CADM2: variants seen among roughly 807,000 people sequenced by gnomAD.
CADM2 encodes cell adhesion molecule 2, also known as immunoglobulin superfamily member 4D.
In CADM2, 12 loss-of-function variants were observed where a neutral mutation model predicts 49.8. The observed-to-expected ratio is 0.24, with a 90% CI of 0.15 to 0.39. The LOEUF (loss-of-function observed/expected upper bound fraction) is 0.39, where lower values mean the gene tolerates loss of function less well. Ranked by LOEUF, CADM2 falls within the 10% of genes least tolerant of loss-of-function variation. The probability of loss-of-function intolerance (pLI) is 1.00; values close to 1 mark genes in which losing one functional copy is unlikely to be tolerated. For synonymous variants in CADM2, 214 were observed against 175.4 expected (o/e 1.22, Z -1.74); for missense variants, 378 against 492.3 (o/e 0.77, Z 2.20).
At chr3:85,692,353 C>T (rs923184464) in intron 1 of CADM2, among the ~76,000 whole-genome samples, 1 of 152,022 alleles carries the variant, frequency 6.6e-6, no homozygotes. Flanking sequence ...CAGGACCTAG[C>T]AAATCCGTAT....
chr3:85,587,548 G>A (rs2062978782), intron 1 of CADM2, among the ~76,000 whole-genome samples: 1 of 151,938 alleles, frequency 6.6e-6, no homozygotes, highest in South Asian at 2.1e-4. Context: ...ACACTAAATA[G>A]TCAACCCCTA....
intron 7 of CADM2, among the ~76,000 whole-genome samples, chr3:85,949,553 A>G (rs2108582414): frequency 6.6e-6 from 1 of 151,458 alleles, no homozygotes; most frequent in African/African-American, 2.4e-5. Flanking sequence ...TTAATAACAG[A>G]GAAGTTTGAT....
At chr3:85,284,321 A>G (rs956552493) in intron 1 of CADM2, among the ~76,000 whole-genome samples, 2 of 152,116 alleles carry the variant, frequency 1.3e-5, no homozygotes, top group African/African-American at 4.8e-5. Context: ...CACTGTCCTA[A>G]TTTCCATGGA....
At chr3:85,170,690 T>G (rs575262709) in intron 1 of CADM2, among the ~76,000 whole-genome samples, 1 of 152,202 alleles carries the variant, frequency 6.6e-6, no homozygotes, top group African/African-American at 2.4e-5. Flanking sequence ...TGCTGAACTT[T>G]GAAGCTTTTT....
At chr3:85,772,883 G>GT (rs11326310) in intron 2 of CADM2, among the ~76,000 whole-genome samples, 363 of 140,430 alleles carry the variant, frequency 2.6e-3, no homozygotes, top group South Asian at 3.6e-3. Context: ...TTCATTTCCA[G>GT]TTTTTTTTTT....
At chr3:85,077,440 T>C (rs1025448262) in intron 1 of CADM2, among the ~76,000 whole-genome samples, 4 of 152,146 alleles carry the variant, frequency 2.6e-5, no homozygotes, top group Admixed American at 6.5e-5. Context: ...ATAACTGTTA[T>C]GTTGAGATAT....
intron 2 of CADM2, among the ~76,000 whole-genome samples, chr3:85,792,211 G>T (rs577012023): frequency 6.6e-6 from 1 of 152,248 alleles, no homozygotes; most frequent in East Asian, 1.9e-4. Context: ...ATTTGATTCA[G>T]GTGTCTATGT....
chr3:85,178,277 AT>A (rs972066363), intron 1 of CADM2, among the ~76,000 whole-genome samples: 9 of 152,024 alleles, frequency 5.9e-5, no homozygotes, highest in African/African-American at 1.9e-4. Flanking sequence ...TACAGAATAT[AT>A]TTTTTATTTT....
At chr3:85,952,085 G>A (rs564609993) in intron 7 of CADM2, among the ~76,000 whole-genome samples, 1 of 150,926 alleles carries the variant, frequency 6.6e-6, no homozygotes, top group South Asian at 2.1e-4. Flanking sequence ...AAAAAAATGA[G>A]ACTTTTATGG....
At chr3:85,374,924 T>A (rs2033496398) in intron 1 of CADM2, among the ~76,000 whole-genome samples, 1 of 152,064 alleles carries the variant, frequency 6.6e-6, no homozygotes, top group Non-Finnish European at 1.5e-5. Flanking sequence ...CGAAACCATA[T>A]CAGTGCTAAA....
chr3:85,033,523 C>A (rs551691097), intron 1 of CADM2, among the ~76,000 whole-genome samples: 4 of 152,096 alleles, frequency 2.6e-5, no homozygotes, highest in Admixed American at 2.6e-4. Context: ...ATTCCTTATT[C>A]CTTGTTATTC....
chr3:84,994,637 C>A (rs2033076531), intron 1 of CADM2, among the ~76,000 whole-genome samples: 1 of 152,034 alleles, frequency 6.6e-6, no homozygotes, highest in South Asian at 2.1e-4. Flanking sequence ...CTTAACATTA[C>A]TATAACAAGA....
intron 1 of CADM2, among the ~76,000 whole-genome samples, chr3:85,330,103 A>C (rs2107145640): frequency 1.3e-5 from 2 of 152,282 alleles, no homozygotes; most frequent in South Asian, 4.1e-4. Context: ...TTTCAGGTTC[A>C]CATAAAAGAA....
intron 1 of CADM2, among the ~76,000 whole-genome samples, chr3:85,347,493 A>G (rs1340694231): frequency 6.8e-6 from 1 of 146,086 alleles, no homozygotes; most frequent in African/African-American, 2.6e-5. Context: ...CAAATTTCAT[A>G]TATATATAAA....
intron 1 of CADM2, among the ~76,000 whole-genome samples, chr3:85,154,299 C>T (rs540897287): frequency 4.6e-5 from 7 of 152,200 alleles, no homozygotes; most frequent in Admixed American, 1.3e-4. Flanking sequence ...AATGCAGAAG[C>T]CTCAGGAGCT....
intron 1 of CADM2, among the ~76,000 whole-genome samples, chr3:85,587,850 TC>T (rs1383975013): frequency 6.6e-6 from 1 of 151,972 alleles, no homozygotes; most frequent in Non-Finnish European, 1.5e-5. Flanking sequence ...ACTCAAGCTA[TC>T]CTCCCACCTC....
chr3:85,359,666 A>ATATATATTTT, intron 1 of CADM2, among the ~76,000 whole-genome samples: 268 of 26,524 alleles, frequency 0.01, 24 homozygotes, highest in Non-Finnish European at 0.017. Context: ...ATATATATAT[A>ATATATATTTT]TTTTTTTTTT....
chr3:85,382,602 C>T (rs2033967878), intron 1 of CADM2, among the ~76,000 whole-genome samples: 1 of 152,056 alleles, frequency 6.6e-6, no homozygotes, highest in South Asian at 2.1e-4. Flanking sequence ...AGGATATTTG[C>T]TTCTTTGATT....
chr3:85,352,856 A>T (rs976171408), intron 1 of CADM2, among the ~76,000 whole-genome samples: 30 of 152,080 alleles, frequency 2.0e-4, no homozygotes, highest in Non-Finnish European at 3.7e-4. Context: ...AATTAACTTG[A>T]ATTTTTCTTC....
Sources: allele counts gnomAD v4.1 joint callset (sites outside exome capture counted in the v4.1 genomes callset), GRCh38; gene constraint gnomAD v4.1.1; transcripts MANE v1.5; gene names NCBI Gene and HGNC (gene_info 2026-07-23, HGNC 2026-07-21).